Variants in CHRM5 observed in about 807,000 individuals in gnomAD.
The protein encoded by CHRM5 is cholinergic receptor muscarinic 5.
In CHRM5, 18 loss-of-function variants were observed where a neutral mutation model predicts 39.0. That is an observed-to-expected ratio of 0.46 (90% CI 0.32 to 0.68). The LOEUF (loss-of-function observed/expected upper bound fraction) is 0.68, where lower values mean the gene tolerates loss of function less well. CHRM5 is among the 30% of genes least tolerant of loss of function. The pLI, the probability that CHRM5 is intolerant of heterozygous loss-of-function variation, is 0.04. For synonymous variants in CHRM5, 241 were observed against 246.3 expected (o/e 0.98, Z 0.20); for missense variants, 515 against 651.1 (o/e 0.79, Z 2.28).
chr15:34,013,388 A>T (rs1261696931), intron 1 of CHRM5, among the ~76,000 whole-genome samples: 1 of 152,112 alleles, frequency 6.6e-6, no homozygotes, highest in Non-Finnish European at 1.5e-5. Context: ...ATGAAAATAA[A>T]AACAGTCACC....
chr15:34,063,951 G>A lies in CHRM5; in HGVS notation c.1234G>A (p.Glu412Lys), dbSNP rs74007678. 5.0e-3 allele frequency: 8,044 copies of A among 1,614,080 alleles called. 319 individuals carry two copies. The African/African-American group carries it at 0.087, about 18-fold the overall frequency. ...IMPCPFPVAKEPSTKGLNPNP... is the reference protein window; with the variant it reads ...IMPCPFPVAKKPSTKGLNPNP... ...GCCCTGCCCCTTCCCAGTGGCCAAG[G>A]AACCTTCAACGAAAGGCCTCAATCC... is the stretch of plus-strand genomic sequence containing the variant. Residue 412 changes from glutamate to lysine, a missense_variant, in exon 3 of 3, where the codon GAA becomes AAA. Physicochemically the swap from Glu to Lys is moderately conservative, Grantham distance 56. Coordinates refer to ENST00000383263, the MANE Select transcript of CHRM5 (RefSeq NM_012125.4). The surrounding 1 kb of genome is among the most constrained non-coding windows in gnomAD (Gnocchi z 4.1).
At chr15:34,020,489 C>T (rs893418644) in intron 1 of CHRM5, among the ~76,000 whole-genome samples, 1 of 152,112 alleles carries the variant, frequency 6.6e-6, no homozygotes, top group African/African-American at 2.4e-5. Flanking sequence ...TGGTTTAAGC[C>T]TCTAAGCACC....
chr15:34,014,533 A>C (rs1897798406), intron 1 of CHRM5, among the ~76,000 whole-genome samples: 2 of 152,134 alleles, frequency 1.3e-5, no homozygotes, highest in African/African-American at 4.8e-5. Flanking sequence ...CTAGGTGACA[A>C]AGTATCTCCA....
intron 1 of CHRM5, among the ~76,000 whole-genome samples, chr15:33,985,809 T>C (rs1313778649): frequency 6.6e-6 from 1 of 152,152 alleles, no homozygotes; most frequent in Non-Finnish European, 1.5e-5. Flanking sequence ...CTTTTTAAGC[T>C]TCATTCTATT....
intron 1 of CHRM5, among the ~76,000 whole-genome samples, chr15:33,999,365 T>A (rs1407347231): frequency 6.6e-6 from 1 of 152,210 alleles, no homozygotes; most frequent in African/African-American, 2.4e-5. Context: ...AGTGCTTTCA[T>A]TAGACTCTAC....
At chr15:34,020,042 T>C (rs953907531) in intron 1 of CHRM5, among the ~76,000 whole-genome samples, 4 of 152,240 alleles carry the variant, frequency 2.6e-5, no homozygotes, top group Admixed American at 2.6e-4. Flanking sequence ...CTGGGCGCAG[T>C]GGTTCACACC....
rs143033042 is a variant in CHRM5, at chr15:34,018,858, T to G, written c.-407-27682T>G. 4.2e-3 allele frequency among the ~76,000 whole-genome samples: 434 copies of G among 104,492 alleles called. 4 individuals are homozygous for G. Among genetic ancestry groups the G allele is most frequent in the African/African-American group, 0.012 (407 of 34,048 alleles). 68.6% of individuals were successfully genotyped at this position (104,492 alleles called of 152,430 possible). On this transcript the variant is annotated intron_variant, in intron 1 of 2. Coordinates refer to ENST00000383263, the MANE Select transcript of CHRM5 (RefSeq NM_012125.4). ...TGATTGGTGCATTTTTACAGAGTGC[T>G]GATCAGTGCATTTATAATCCTTTAG... is the stretch of plus-strand genomic sequence containing the variant.
intron 2 of CHRM5, among the ~76,000 whole-genome samples, chr15:34,062,189 G>A (rs1343298540): frequency 6.6e-6 from 1 of 152,158 alleles, no homozygotes; most frequent in African/African-American, 2.4e-5. Flanking sequence ...TTAAAAATAG[G>A]TGATCAAACT....
At chr15:34,038,142 G>A (rs1357441006) in intron 1 of CHRM5, among the ~76,000 whole-genome samples, 4 of 151,920 alleles carry the variant, frequency 2.6e-5, no homozygotes, top group African/African-American at 4.8e-5. Context: ...AATTCAAAAC[G>A]ACAAAGCCCA....
At chr15:34,033,445 G>T (rs1245152546) in intron 1 of CHRM5, among the ~76,000 whole-genome samples, 1 of 151,714 alleles carries the variant, frequency 6.6e-6, no homozygotes, top group Non-Finnish European at 1.5e-5. Flanking sequence ...GGCGGAGATT[G>T]CAGTGAGCCG....
At chr15:33,987,210 G>A (rs1254416047) in intron 1 of CHRM5, among the ~76,000 whole-genome samples, 3 of 152,160 alleles carry the variant, frequency 2.0e-5, no homozygotes, top group African/African-American at 7.2e-5. Flanking sequence ...ATATGACAGT[G>A]ACTAAGAATG....
chr15:34,002,529 ACTT>A (rs144378883), intron 1 of CHRM5, among the ~76,000 whole-genome samples: 76,569 of 151,742 alleles, frequency 0.5, 21,706 homozygotes, highest in Non-Finnish European at 0.63. Context: ...TGGGTTTTTC[ACTT>A]TATTGACAGA....
intron 1 of CHRM5, among the ~76,000 whole-genome samples, chr15:34,020,011 C>T (rs1288431441): frequency 6.6e-6 from 1 of 152,174 alleles, no homozygotes; most frequent in Non-Finnish European, 1.5e-5. Context: ...CTTTTCCATG[C>T]CTCAAAATAG....
In CHRM5 at chr15:34,063,974, T is replaced by C. The variant is rs767993368; in HGVS notation, c.1257T>C (p.Asn419=). 55 of 1,613,958 alleles carry C rather than the reference T, an allele frequency of 3.4e-5. No individual in the cohort carries two copies. Among genetic ancestry groups the C allele is most frequent in the Admixed American group, 5.0e-5 (3 of 59,994 alleles). The part of the protein sequence containing the change: ...VAKEPSTKGL[N]PNPSHQMTKR... ...AGGAACCTTCAACGAAAGGCCTCAA[T>C]CCCAACCCCAGCCATCAAATGACCA... is the stretch of plus-strand genomic sequence containing the variant. The change falls in exon 3 of 3, where the codon AAT becomes AAC. Residue 419 remains asparagine (N), a synonymous_variant. Coordinates refer to ENST00000383263, the MANE Select transcript of CHRM5 (RefSeq NM_012125.4). The surrounding 1 kb of genome is among the most constrained non-coding windows in gnomAD (Gnocchi z 4.1).
At chr15:34,020,861 C>A (rs1311772173) in intron 1 of CHRM5, among the ~76,000 whole-genome samples, 1 of 152,168 alleles carries the variant, frequency 6.6e-6, no homozygotes, top group African/African-American at 2.4e-5. Context: ...GTTTGATTTG[C>A]CATTTTGTAT....
At chr15:34,035,148 G>C (rs1191220159) in intron 1 of CHRM5, among the ~76,000 whole-genome samples, 1 of 152,110 alleles carries the variant, frequency 6.6e-6, no homozygotes, top group Non-Finnish European at 1.5e-5. Flanking sequence ...TACTACTCAG[G>C]CTTTGTTTAC....
rs953933720 is a variant in CHRM5 at position 34,012,853 on chromosome 15, G to A, written c.-407-33687G>A. Among the ~76,000 whole-genome samples the A allele has an allele frequency of 5.3e-5, 8 of 152,092 alleles. No homozygotes were observed. The East Asian group carries it at 1.3e-3, about 26-fold the overall frequency. ...ATCACATTGCACCAGTCTGTCCTAC[G>A]GCTAGGTTCTGGGGTTATGTTTACT... is the stretch of plus-strand genomic sequence containing the variant. On this transcript the variant is annotated intron_variant, in intron 1 of 2. Coordinates refer to ENST00000383263, the MANE Select transcript of CHRM5 (RefSeq NM_012125.4).
At chr15:34,032,987 T>C (rs1306604243) in intron 1 of CHRM5, among the ~76,000 whole-genome samples, 1 of 152,234 alleles carries the variant, frequency 6.6e-6, no homozygotes, top group Non-Finnish European at 1.5e-5. Flanking sequence ...CAAGTAGAGA[T>C]ATTTAATGAA....
chr15:34,033,277 G>A (rs571628988), intron 1 of CHRM5, among the ~76,000 whole-genome samples: 35 of 152,154 alleles, frequency 2.3e-4, no homozygotes, highest in Non-Finnish European at 3.8e-4. Context: ...AGGCAGAAGC[G>A]GGCGGACTGC....
Sources: gnomAD v4.1 joint callset for allele counts (sites outside exome capture counted in the v4.1 genomes callset) on GRCh38, gnomAD v4.1.1 for gene constraint, Gnocchi (gnomAD v3.1) non-coding constraint, MANE v1.5 for transcripts, NCBI Gene and HGNC (gene_info 2026-07-23, HGNC 2026-07-21) for gene names.